Variants in DRC8 observed in about 807,000 individuals in gnomAD.
DRC8 encodes dynein regulatory complex subunit 8.
the DRC8 span, among the ~76,000 whole-genome samples, chr1:244,973,391 G>A: frequency 6.6e-6 from 1 of 152,204 alleles, no homozygotes; most frequent in Non-Finnish European, 1.5e-5. Flanking sequence ...TTTCTGATCT[G>A]TTAATACTGA....
At chr1:244,978,864 T>C in the DRC8 span, among the ~76,000 whole-genome samples, 3,340 of 151,806 alleles carry the variant, frequency 0.022, 142 homozygotes, top group African/African-American at 0.077. Context: ...GACATTGCCT[T>C]TTTTTTTATT....
the DRC8 span, among the ~76,000 whole-genome samples, chr1:245,037,396 C>T: frequency 1.3e-5 from 2 of 152,158 alleles, no homozygotes; most frequent in South Asian, 4.1e-4. Context: ...ATAGGATCAT[C>T]TCTATAGAGG....
the DRC8 span, among the ~76,000 whole-genome samples, chr1:245,078,005 C>G: frequency 6.6e-6 from 1 of 151,374 alleles, no homozygotes; most frequent in Admixed American, 6.6e-5. Flanking sequence ...TCAGACAACT[C>G]AATTGCAAAA....
chr1:244,991,311 C>A, the DRC8 span, among the ~76,000 whole-genome samples: 2 of 152,130 alleles, frequency 1.3e-5, no homozygotes, highest in South Asian at 4.1e-4. Flanking sequence ...GTTGGGTGCA[C>A]TATTCTCCCG....
the DRC8 span, chr1:245,017,341 T>G: frequency 6.4e-7 from 1 of 1,572,626 alleles, no homozygotes; most frequent in African/African-American, 1.4e-5. Context: ...GGAAATATTT[T>G]TTTTTTTGTT....
chr1:245,109,205 G>A, the DRC8 span, among the ~76,000 whole-genome samples: 1 of 152,226 alleles, frequency 6.6e-6, no homozygotes, highest in Non-Finnish European at 1.5e-5. Context: ...ATCAGGCAAT[G>A]AGAGGTGTCA....
chr1:244,985,829 A>C, the DRC8 span, among the ~76,000 whole-genome samples: 66 of 150,298 alleles, frequency 4.4e-4, no homozygotes, highest in Middle Eastern at 0.01. Context: ...GTGCCACTGA[A>C]CTCCAGCCTG....
the DRC8 span, among the ~76,000 whole-genome samples, chr1:244,984,345 C>T: frequency 6.6e-6 from 1 of 152,188 alleles, no homozygotes; most frequent in Non-Finnish European, 1.5e-5. Context: ...TCTCTCTATC[C>T]TGTTACAGTG....
chr1:245,073,461 A>G, the DRC8 span, among the ~76,000 whole-genome samples: 72 of 152,030 alleles, frequency 4.7e-4, no homozygotes, highest in Middle Eastern at 0.01. Flanking sequence ...TAACACATAT[A>G]CCACTCTCGT....
chr1:245,009,323 G>A, the DRC8 span, among the ~76,000 whole-genome samples: 1 of 151,922 alleles, frequency 6.6e-6, no homozygotes, highest in Admixed American at 6.6e-5. Context: ...ATAAGCCACT[G>A]TGCCCGGCTG....
chr1:245,045,636 A>G, the DRC8 span, among the ~76,000 whole-genome samples: 1 of 152,206 alleles, frequency 6.6e-6, no homozygotes, highest in Non-Finnish European at 1.5e-5. Context: ...AAGTGAAGTT[A>G]CAAAGGTCAC....
the DRC8 span, among the ~76,000 whole-genome samples, chr1:245,008,621 C>T: frequency 6.6e-6 from 1 of 151,330 alleles, no homozygotes; most frequent in Non-Finnish European, 1.5e-5. Flanking sequence ...AAAATATGAA[C>T]TAGGCCCCTA....
the DRC8 span, chr1:244,970,725 C>G: frequency 2.2e-6 from 1 of 463,218 alleles, no homozygotes; most frequent in Non-Finnish European, 3.7e-6. Flanking sequence ...CTCCTCCCGC[C>G]TTCTTCTTTC....
At chr1:245,116,422 T>C in the DRC8 span, among the ~76,000 whole-genome samples, 13 of 152,046 alleles carry the variant, frequency 8.6e-5, no homozygotes, top group Non-Finnish European at 1.8e-4. Flanking sequence ...AAAAAAACTT[T>C]GGCTTGAGGA....
At chr1:244,969,819 A>C in the DRC8 span, 1 of 368,658 alleles carries the variant, frequency 2.7e-6, no homozygotes, top group Non-Finnish European at 4.9e-6. Context: ...GACGGGAGAA[A>C]CCGGGAGGGC....
the DRC8 span, among the ~76,000 whole-genome samples, chr1:245,098,161 C>G: frequency 1.3e-5 from 2 of 152,082 alleles, no homozygotes; most frequent in Non-Finnish European, 2.9e-5. Context: ...GAAAAAGACA[C>G]CAAGAATGAT....
the DRC8 span, among the ~76,000 whole-genome samples, chr1:245,094,739 GT>G: frequency 2.6e-5 from 4 of 152,146 alleles, no homozygotes; most frequent in Non-Finnish European, 5.9e-5. Flanking sequence ...ACAATGTAAA[GT>G]GTAAAATACT....
chr1:244,984,840 A>AC, the DRC8 span, among the ~76,000 whole-genome samples: 6 of 79,766 alleles, frequency 7.5e-5, no homozygotes, highest in South Asian at 5.4e-4. Flanking sequence ...GTCAAAAAAC[A>AC]CCCCCCCTTC....
At chr1:244,970,551 C>G in the DRC8 span, 1 of 1,419,296 alleles carries the variant, frequency 7.0e-7, no homozygotes, top group Non-Finnish European at 9.2e-7. Context: ...GAGTTCCCAC[C>G]CGCAGGGAAA....
Sources: gnomAD v4.1 joint callset for allele counts (sites outside exome capture counted in the v4.1 genomes callset) on GRCh38, gnomAD v4.1.1 for gene constraint, MANE v1.5 for transcripts, NCBI Gene and HGNC (gene_info 2026-07-23, HGNC 2026-07-21) for gene names.